Variants in PTCHD4 observed in about 807,000 individuals in gnomAD.
The protein encoded by PTCHD4 is patched domain-containing protein 4.
A neutral mutation model predicts 58.1 loss-of-function variants in PTCHD4; 33 were observed. The observed-to-expected ratio is 0.57, with a 90% CI of 0.43 to 0.76. The LOEUF is 0.76. Among genes scored for constraint, PTCHD4 ranks in the 30% least tolerant of loss-of-function variants. PTCHD4 has a pLI of 0.00. For missense variants in PTCHD4, 1,058 were observed against 1,027.1 expected (o/e 1.03, Z -0.41); for synonymous variants, 478 against 409.6 (o/e 1.17, Z -2.02).
chr6:47,892,177 G>T (rs993230053), intron 4 of PTCHD4, among the ~76,000 whole-genome samples: 4 of 152,152 alleles, frequency 2.6e-5, no homozygotes, highest in African/African-American at 9.7e-5. Flanking sequence ...GCAGAGAAGA[G>T]CAATGAATGG....
At chr6:47,996,668 T>A (rs1212144786) in intron 4 of PTCHD4, among the ~76,000 whole-genome samples, 1 of 152,140 alleles carries the variant, frequency 6.6e-6, no homozygotes, top group African/African-American at 2.4e-5. Flanking sequence ...CTGCCCTACT[T>A]ACCTCTTGGC....
intron 4 of PTCHD4, among the ~76,000 whole-genome samples, chr6:47,892,347 A>G (rs1346406523): frequency 1.3e-5 from 2 of 152,248 alleles, no homozygotes; most frequent in Non-Finnish European, 2.9e-5. Context: ...TGACAATCTT[A>G]TCATTTGTTG....
chr6:47,949,409 T>C (rs1766546675), intron 4 of PTCHD4, among the ~76,000 whole-genome samples: 2 of 152,180 alleles, frequency 1.3e-5, no homozygotes, highest in Admixed American at 6.5e-5. Flanking sequence ...GTCTGCAGTA[T>C]ATCTCTGTGT....
At chr6:48,030,147 T>C (rs976109099) in intron 3 of PTCHD4, among the ~76,000 whole-genome samples, 3 of 151,896 alleles carry the variant, frequency 2.0e-5, no homozygotes, top group Non-Finnish European at 4.4e-5. Flanking sequence ...GAAAAAAAGG[T>C]CTATGTAGTC....
intron 4 of PTCHD4, among the ~76,000 whole-genome samples, chr6:47,951,020 G>A (rs1443390460): frequency 6.6e-6 from 1 of 152,078 alleles, no homozygotes; most frequent in African/African-American, 2.4e-5. Flanking sequence ...TAATTGGAGT[G>A]AGTTCAAAAG....
At chr6:47,934,908 T>C (rs1233907125) in intron 4 of PTCHD4, among the ~76,000 whole-genome samples, 1 of 152,172 alleles carries the variant, frequency 6.6e-6, no homozygotes, top group Non-Finnish European at 1.5e-5. Context: ...CCAACTTATA[T>C]ATTGGATGTG....
At chr6:47,917,345 A>G (rs1765292636) in intron 4 of PTCHD4, among the ~76,000 whole-genome samples, 1 of 152,188 alleles carries the variant, frequency 6.6e-6, no homozygotes, top group African/African-American at 2.4e-5. Flanking sequence ...AATTGAAAGC[A>G]TCATCAGTCA....
At chr6:48,032,420 A>ATGCGTGTGTGTGTG (rs1763479447) in intron 3 of PTCHD4, among the ~76,000 whole-genome samples, 1 of 151,864 alleles carries the variant, frequency 6.6e-6, no homozygotes, top group Non-Finnish European at 1.5e-5. Context: ...CTCTCTGTGT[A>ATGCGTGTGTGTGTG]TGCGTGTGTG....
chr6:47,978,423 T>C (rs1767772438), intron 4 of PTCHD4, among the ~76,000 whole-genome samples: 1 of 152,194 alleles, frequency 6.6e-6, no homozygotes, highest in African/African-American at 2.4e-5. Flanking sequence ...ACTTAGTGTA[T>C]ATTCTGGAAA....
intron 3 of PTCHD4, among the ~76,000 whole-genome samples, chr6:48,034,962 TC>T (rs1763577976): frequency 6.6e-6 from 1 of 152,122 alleles, no homozygotes; most frequent in African/African-American, 2.4e-5. Flanking sequence ...TGCGTTCACT[TC>T]ACCCTTCCGA....
intron 1 of PTCHD4, among the ~76,000 whole-genome samples, chr6:48,105,097 C>T (rs1178988831): frequency 6.6e-6 from 1 of 152,146 alleles, no homozygotes; most frequent in Non-Finnish European, 1.5e-5. Context: ...CTGCACCAAG[C>T]AGACCTAATA....
intron 1 of PTCHD4, among the ~76,000 whole-genome samples, chr6:48,107,033 A>T (rs1017367882): frequency 4.6e-5 from 7 of 152,182 alleles, no homozygotes; most frequent in Non-Finnish European, 1.0e-4. Context: ...GCCCAAGGTA[A>T]TTTATAGATT....
intron 4 of PTCHD4, among the ~76,000 whole-genome samples, chr6:47,989,658 C>A (rs1768208358): frequency 1.3e-5 from 2 of 152,172 alleles, no homozygotes. Context: ...TGCAGGTGCA[C>A]AGAAGTCAAG....
At chr6:48,057,181 T>G (rs1012341764) in intron 3 of PTCHD4, among the ~76,000 whole-genome samples, 3 of 132,346 alleles carry the variant, frequency 2.3e-5, no homozygotes, top group African/African-American at 8.3e-5. Context: ...GTTTTTTTTG[T>G]TTTTTTTTGT....
chr6:48,058,498 G>A (rs1171573827), intron 3 of PTCHD4, among the ~76,000 whole-genome samples: 21 of 152,164 alleles, frequency 1.4e-4, no homozygotes, highest in Non-Finnish European at 1.5e-5. Context: ...AGTTACAGAT[G>A]TGGAAGAAAA....
intron 4 of PTCHD4, among the ~76,000 whole-genome samples, chr6:47,880,414 T>A: frequency 6.6e-6 from 1 of 152,160 alleles, no homozygotes; most frequent in East Asian, 1.9e-4. Context: ...AAAAGTATGT[T>A]AAACACTTAA....
chr6:48,066,055 A>G (rs1582102215), intron 3 of PTCHD4, among the ~76,000 whole-genome samples: 1 of 151,680 alleles, frequency 6.6e-6, no homozygotes, highest in Admixed American at 6.5e-5. Flanking sequence ...AAGATTGCAG[A>G]GTTCCAGCTT....
chr6:48,095,522 A>G (rs1292952403), intron 1 of PTCHD4, among the ~76,000 whole-genome samples: 1 of 152,112 alleles, frequency 6.6e-6, no homozygotes, highest in Non-Finnish European at 1.5e-5. Context: ...TCTCTACTAA[A>G]AATACAAAAA....
intron 3 of PTCHD4, among the ~76,000 whole-genome samples, chr6:48,064,833 A>G (rs1344868577): frequency 6.6e-6 from 1 of 152,196 alleles, no homozygotes; most frequent in Non-Finnish European, 1.5e-5. Flanking sequence ...GATATAAAAG[A>G]AAGATTATAA....
Sources: allele counts gnomAD v4.1 joint callset (sites outside exome capture counted in the v4.1 genomes callset), GRCh38; gene constraint gnomAD v4.1.1; transcripts MANE v1.5; gene names NCBI Gene and HGNC (gene_info 2026-07-23, HGNC 2026-07-21).